SETD2: variants seen among roughly 807,000 people sequenced by gnomAD.
The protein encoded by SETD2 is histone-lysine N-methyltransferase SETD2.
Under a neutral mutation model 242.1 loss-of-function variants are expected in SETD2, and 31 were observed. That is an observed-to-expected ratio of 0.13 (90% CI 0.10 to 0.17). SETD2 has a LOEUF of 0.17. Ranked by LOEUF, SETD2 falls within the 10% of genes least tolerant of loss-of-function variation. SETD2 has a pLI of 1.00. For missense variants in SETD2, 2,481 were observed against 3,046.3 expected, an observed-to-expected ratio of 0.81 and a Z score of 4.37; for synonymous variants, 1,006 against 1,066.5, an observed-to-expected ratio of 0.94 and a Z score of 1.11.
At chr3:47,152,431 T>C (rs2044007667) in intron 1 of SETD2, among the ~76,000 whole-genome samples, 1 of 152,216 alleles carries the variant, frequency 6.6e-6, no homozygotes, top group African/African-American at 2.4e-5. Context: ...AAGGCCAGAA[T>C]AAATGGATTT....
intron 13 of SETD2, among the ~76,000 whole-genome samples, chr3:47,062,777 T>C (rs1333239965): frequency 6.6e-6 from 1 of 152,108 alleles, no homozygotes; most frequent in Non-Finnish European, 1.5e-5. Flanking sequence ...AGAACCTCAA[T>C]GAGAAAAGTT....
At chr3:47,034,323 A>G (rs2107523169) in intron 18 of SETD2, among the ~76,000 whole-genome samples, 1 of 152,218 alleles carries the variant, frequency 6.6e-6, no homozygotes, top group East Asian at 1.9e-4. Context: ...TTCTCTTTAT[A>G]ATCTCCCGTT....
chr3:47,152,260 T>C (rs1559768861), intron 1 of SETD2, among the ~76,000 whole-genome samples: 2 of 152,206 alleles, frequency 1.3e-5, no homozygotes, highest in Non-Finnish European at 2.9e-5. Context: ...CTACAGATAA[T>C]TCTTAACTAC....
At chr3:47,075,381 G>T (rs1325534664) in intron 12 of SETD2, among the ~76,000 whole-genome samples, 1 of 151,254 alleles carries the variant, frequency 6.6e-6, no homozygotes, top group Non-Finnish European at 1.5e-5. Flanking sequence ...CCAACATGGA[G>T]AATCCCCATC....
chr3:47,093,576 G>A (rs183117450), intron 9 of SETD2, among the ~76,000 whole-genome samples: 273 of 152,140 alleles, frequency 1.8e-3, no homozygotes, highest in Non-Finnish European at 3.1e-3. Flanking sequence ...GAGCCACTGC[G>A]CCTGGCCCAT....
intron 1 of SETD2, among the ~76,000 whole-genome samples, chr3:47,135,260 T>C (rs2043566491): frequency 6.6e-6 from 1 of 152,146 alleles, no homozygotes; most frequent in Admixed American, 6.6e-5. Context: ...CCTTTAGTAT[T>C]TATTACTTTG....
At chr3:47,034,503 A>T (rs1419231352) in intron 18 of SETD2, among the ~76,000 whole-genome samples, 1 of 152,150 alleles carries the variant, frequency 6.6e-6, no homozygotes, top group Non-Finnish European at 1.5e-5. Context: ...CTCTACAACA[A>T]TTTTTAACAA....
rs1388458918 is a variant in SETD2, at chr3:47,062,263, G to C, written c.6193C>G (p.Pro2065Ala). ...TCTTTATTTTGAGTTTGCTTGTCTG[G>C]GTCTCTCTCTCTTGACCTATTAGGA... ...KTPNRSRERD[P>A]DKQTQNKEKR... The change falls in exon 14 of 21, where the codon CCA (proline) becomes GCA (alanine). Residue 2065 changes from proline (P) to alanine (A), a missense_variant. Transcript: ENST00000409792. 6.2e-7 allele frequency: 1 copy of C among 1,613,700 alleles called. No individual in the cohort carries two copies. Among genetic ancestry groups the C allele is most frequent in the Non-Finnish European group, 8.5e-7 (1 of 1,179,894 alleles).
chr3:47,139,126 C>T (rs1002431480), intron 1 of SETD2, among the ~76,000 whole-genome samples: 5 of 152,078 alleles, frequency 3.3e-5, no homozygotes, highest in African/African-American at 1.2e-4. Flanking sequence ...TTTATAGAGA[C>T]GGGCTCACTT....
intron 5 of SETD2, among the ~76,000 whole-genome samples, chr3:47,107,720 C>CGGCGG (rs1177164556): frequency 7.7e-6 from 1 of 129,770 alleles, no homozygotes; most frequent in African/African-American, 2.8e-5. Flanking sequence ...CTTTGGGTGG[C>CGGCGG]GGGGGGGGGT....
chr3:47,093,227 T>C (rs1330317570), intron 9 of SETD2, among the ~76,000 whole-genome samples: 2 of 152,042 alleles, frequency 1.3e-5, no homozygotes, highest in African/African-American at 4.8e-5. Context: ...GAGTTATCCA[T>C]GTTACTGTAT....
intron 1 of SETD2, among the ~76,000 whole-genome samples, chr3:47,137,412 C>T (rs1479109443): frequency 1.3e-5 from 2 of 151,756 alleles, no homozygotes; most frequent in African/African-American, 2.4e-5. Flanking sequence ...AGGATGGTCT[C>T]GATCTCTTGA....
rs781672779 is a variant in SETD2 at position 47,095,755 on chromosome 3, G to GA, written c.5142+2199dup. On this transcript the variant is annotated intron_variant, in intron 9 of 20. Coordinates refer to ENST00000409792, the MANE Select transcript of SETD2 (RefSeq NM_014159.7). ...ATATGTCAATAAACTGTTACATGAT[G>GA]AAAAAAAAAAAGAAAAACTTTCAAA... Among the ~76,000 whole-genome samples the GA allele has an allele frequency of 1.2e-3, 155 of 125,204 alleles. 1 individual carries two copies. Among genetic ancestry groups the GA allele is most frequent in the Admixed American group, 9.3e-3 (114 of 12,242 alleles). 82.1% of individuals were successfully genotyped at this position (125,204 alleles called of 152,430 possible).
chr3:47,023,322 C>T (rs1001921615), intron 18 of SETD2, among the ~76,000 whole-genome samples: 2 of 152,142 alleles, frequency 1.3e-5, no homozygotes, highest in African/African-American at 4.8e-5. Context: ...ACTGCTTGAA[C>T]CCGGGAGGTG....
intron 9 of SETD2, 21 bp from the exon 10 acceptor site, chr3:47,088,268 ACC>A: frequency 1.3e-6 from 2 of 1,575,530 alleles, no homozygotes; most frequent in Non-Finnish European, 1.7e-6. Flanking sequence ...AAATAAAAAT[ACC>A]TTTTTATAAA....
At chr3:47,102,199 T>C (rs1467095921) in intron 7 of SETD2, among the ~76,000 whole-genome samples, 4 of 152,188 alleles carry the variant, frequency 2.6e-5, no homozygotes, top group Non-Finnish European at 5.9e-5. Flanking sequence ...AATTTGCACA[T>C]GTTACTAATG....
rs2043126193 is a variant in SETD2, at chr3:47,122,225, A to G, written c.2411T>C (p.Leu804Ser). The G allele has an allele frequency of 1.2e-6, 2 of 1,614,138 alleles. No individual in the cohort carries two copies. The highest frequency in any genetic ancestry group is 4.5e-5 in the East Asian group (2 of 44,882). Residue 804 changes from leucine to serine, a missense_variant, in exon 3 of 21, where the codon TTG becomes TCG. Physicochemically the swap from Leu to Ser is moderately radical, Grantham distance 145 (BLOSUM62 -2). Transcript: ENST00000409792. ...YCTLNDSNPS[L>S]CNSEAENIEP... The stretch of plus-strand genomic sequence containing the variant: ...AATATTTTCAGCTTCAGAGTTACAC[A>G]AAGAAGGGTTGCTATCGTTCAAAGT...
chr3:47,035,833 T>A (rs1372380542), intron 18 of SETD2, among the ~76,000 whole-genome samples: 1 of 152,222 alleles, frequency 6.6e-6, no homozygotes, highest in East Asian at 1.9e-4. Flanking sequence ...AAATGGGAGT[T>A]GTGATTTTTG....
Position 47,123,706 on chromosome 3 carries a change from TTTC to T in SETD2, c.927_929del (p.Lys310del). 1.3e-6 allele frequency: 2 copies of T among 1,551,514 alleles called. No homozygotes were observed. Among genetic ancestry groups the T allele is most frequent in the Non-Finnish European group, 1.7e-6 (2 of 1,146,944 alleles). On this transcript the variant is annotated inframe_deletion, in exon 3 of 21. Coordinates refer to ENST00000409792, the MANE Select transcript of SETD2 (RefSeq NM_014159.7). Reference sequence around the variant, plus strand: ...GAAAGATGCCTTCAGATTGTGAGGATTTCTTCTTAGAACCTGTTTTTTTACAGC... The same window carrying T: ...GAAAGATGCCTTCAGATTGTGAGGATTTCTTAGAACCTGTTTTTTTACAGC...
Sources: gnomAD v4.1 joint callset for allele counts (sites outside exome capture counted in the v4.1 genomes callset) on GRCh38, gnomAD v4.1.1 for gene constraint, MANE v1.5 for transcripts, NCBI Gene and HGNC (gene_info 2026-07-23, HGNC 2026-07-21) for gene names.